The following HSF2 variants were observed in gnomAD, a reference collection of about 807,000 sequenced individuals.
HSF2 encodes heat shock factor protein 2.
A neutral mutation model predicts 65.0 loss-of-function variants in HSF2; 21 were observed. That is an observed-to-expected ratio of 0.32 (90% CI 0.23 to 0.47). The LOEUF (loss-of-function observed/expected upper bound fraction) is 0.47. Among genes scored for constraint, HSF2 ranks in the 20% least tolerant of loss-of-function variants. The pLI, the probability that HSF2 is intolerant of heterozygous loss-of-function variation, is 1.00. For synonymous variants in HSF2, 225 were observed against 219.1 expected, an observed-to-expected ratio of 1.03 and a Z score of -0.24; for missense variants, 499 against 628.1, an observed-to-expected ratio of 0.79 and a Z score of 2.20.
At chr6:122,408,037 G>T (rs1266920082) in intron 1 of HSF2, among the ~76,000 whole-genome samples, 2 of 151,964 alleles carry the variant, frequency 1.3e-5, no homozygotes, top group Admixed American at 6.6e-5. Context: ...AACCTGGGGG[G>T]TCCTATCTTC....
intron 1 of HSF2, among the ~76,000 whole-genome samples, chr6:122,402,002 C>T (rs1369135054): frequency 6.6e-6 from 1 of 152,170 alleles, no homozygotes; most frequent in African/African-American, 2.4e-5. Context: ...TGCGGCCCAG[C>T]ACAAATTCAT....
chr6:122,431,537 G>A, intron 12 of HSF2, 23 bp downstream of exon 12: 3 of 1,338,550 alleles, frequency 2.2e-6, no homozygotes, highest in Non-Finnish European at 3.2e-6. Context: ...ATAGTATTCA[G>A]TCTCTGTAGG....
chr6:122,424,160 C>A (rs1427141848), intron 10 of HSF2, among the ~76,000 whole-genome samples: 1 of 151,880 alleles, frequency 6.6e-6, no homozygotes, highest in Admixed American at 6.6e-5. Context: ...TTACAAGGTT[C>A]CCCTGCTCCA....
At chr6:122,423,358 T>G (rs1487596355) in intron 9 of HSF2, among the ~76,000 whole-genome samples, 1 of 152,106 alleles carries the variant, frequency 6.6e-6, no homozygotes, top group Non-Finnish European at 1.5e-5. Context: ...TTCTGCAGGG[T>G]GTGTTTTTCT....
intron 4 of HSF2, among the ~76,000 whole-genome samples, chr6:122,413,974 T>C (rs1296099569): frequency 1.3e-5 from 2 of 152,112 alleles, no homozygotes; most frequent in African/African-American, 2.4e-5. Context: ...GGTTAGCTCA[T>C]ATGGTGCTCA....
In HSF2 at chr6:122,422,767, G is replaced by C. The variant is rs1282501997; in HGVS notation, c.880G>C (p.Glu294Gln). Residue 294 changes from glutamate (E) to glutamine (Q), a missense_variant, in exon 9 of 13, where the codon GAG (glutamate) becomes CAG (glutamine). By Grantham distance (29) the Glu-to-Gln change is conservative. This residue lies in a region of HSF2 where 349 missense variants were observed against 393.5 expected (regional missense o/e 0.89). Transcript: ENST00000368455. The part of the protein sequence containing the change: ...IVIVEDDNED[E>Q]YAPVIQSGEQ... Reference sequence around the variant, plus strand: ...CATCGTTGAAGATGACAATGAAGATGAGTATGCACCTGTCATTCAGAGTGG... The same window carrying C: ...CATCGTTGAAGATGACAATGAAGATCAGTATGCACCTGTCATTCAGAGTGG... 1.2e-6 allele frequency: 2 copies of C among 1,613,058 alleles called. No individual in the cohort carries two copies. The highest frequency in any genetic ancestry group is 2.7e-5 in the African/African-American group (2 of 74,882).
intron 1 of HSF2, among the ~76,000 whole-genome samples, chr6:122,410,272 A>G (rs189795599): frequency 6.6e-6 from 1 of 151,960 alleles, no homozygotes; most frequent in East Asian, 1.9e-4. Flanking sequence ...TGACACCTTT[A>G]CAATACTGCA....
intron 4 of HSF2, 91 bp from the exon 5 acceptor site, chr6:122,416,130 C>A: frequency 1.3e-6 from 1 of 766,518 alleles, no homozygotes; most frequent in South Asian, 1.6e-5. Context: ...AAGTGTAGTT[C>A]AGTTGTCTGG....
chr6:122,412,557 TAA>T, intron 2 of HSF2, 76 bp downstream of exon 2: 1 of 1,561,158 alleles, frequency 6.4e-7, no homozygotes. Flanking sequence ...ATTAGGGTGG[TAA>T]AGGAAAATTA....
intron 10 of HSF2, among the ~76,000 whole-genome samples, chr6:122,427,589 T>C (rs1318511555): frequency 6.6e-6 from 1 of 151,642 alleles, no homozygotes; most frequent in African/African-American, 2.4e-5. Flanking sequence ...AGAAAAAAAA[T>C]AAAGGAAATG....
chr6:122,409,196 A>G (rs1773933664), intron 1 of HSF2, among the ~76,000 whole-genome samples: 1 of 152,010 alleles, frequency 6.6e-6, no homozygotes, highest in South Asian at 2.1e-4. Flanking sequence ...AGAAAATTGA[A>G]AGGAAATATA....
intron 1 of HSF2, among the ~76,000 whole-genome samples, chr6:122,403,040 A>C (rs1773776247): frequency 6.6e-6 from 1 of 151,218 alleles, no homozygotes; most frequent in African/African-American, 2.4e-5. Flanking sequence ...AAAATAATTT[A>C]TTTCTCTACC....
rs1178787579 is a variant in HSF2 at position 122,432,499 on chromosome 6, C to CT, written c.*287dup. 1.0e-4 allele frequency: 34 copies of CT among 327,366 alleles called. No individual in the cohort carries two copies. The highest frequency in any genetic ancestry group is 1.3e-4 in the East Asian group (2 of 15,740). 20.3% of individuals were successfully genotyped at this position (327,366 alleles called of 1,614,324 possible). ...TCTCCAATTTTGGTAAATTGGATAT[C>CT]TTTTTTTTACAAATACGACCATTAA... On this transcript the variant is annotated 3_prime_UTR_variant, in exon 13 of 13. Coordinates refer to ENST00000368455, the MANE Select transcript of HSF2 (RefSeq NM_004506.4).
At chr6:122,417,530 G>T (rs563092398) in intron 5 of HSF2, among the ~76,000 whole-genome samples, 1 of 152,180 alleles carries the variant, frequency 6.6e-6, no homozygotes, top group South Asian at 2.1e-4. Flanking sequence ...TTTATATAAT[G>T]CATGACGACA....
chr6:122,399,969 C>T lies in HSF2; in HGVS notation c.93+139C>T, dbSNP rs916249176. On this transcript the variant is annotated intron_variant, in intron 1 of 12. Transcript: ENST00000368455. ...GGTGCGGGGCCTTGGCGTTCAGCCT[C>T]GCGGGGGACCCCCTGTATTGTTCGC... 3.3e-5 allele frequency: 23 copies of T among 688,184 alleles called. No individual in the cohort carries two copies. The African/African-American group carries it at 4.3e-4, about 13-fold the overall frequency. 42.6% of individuals were successfully genotyped at this position (688,184 alleles called of 1,614,324 possible).
intron 10 of HSF2, among the ~76,000 whole-genome samples, chr6:122,426,781 C>G (rs2114453317): frequency 6.6e-6 from 1 of 152,138 alleles, no homozygotes; most frequent in South Asian, 2.1e-4. Flanking sequence ...TGTGTTCATT[C>G]TCATAAAAGG....
Position 122,432,418 on chromosome 6 carries a change from G to A in HSF2, c.*198G>A, listed in dbSNP as rs1163549307. On this transcript the variant is annotated 3_prime_UTR_variant, in exon 13 of 13. Transcript: ENST00000368455. Reference sequence around the variant, plus strand: ...AGGTGTTACTCAGCTGCATAGTTACGCAGATGTAATGCACATTATTGGCGT... The same window carrying A: ...AGGTGTTACTCAGCTGCATAGTTACACAGATGTAATGCACATTATTGGCGT... The A allele has an allele frequency of 2.8e-5, 15 of 527,440 alleles. No homozygotes were observed. The highest frequency in any genetic ancestry group is 5.0e-4 in the Middle Eastern group (1 of 2,018). The allele number at this position is 527,440 out of a possible 1,614,324, so 32.7% of individuals were successfully genotyped here.
intron 1 of HSF2, among the ~76,000 whole-genome samples, chr6:122,411,307 G>GT (rs1262388834): frequency 6.0e-5 from 9 of 151,042 alleles, no homozygotes; most frequent in South Asian, 2.1e-4. Context: ...GGTTGTTTGG[G>GT]TTTTTTTTGT....
At chr6:122,424,181 C>T (rs1010116744) in intron 10 of HSF2, among the ~76,000 whole-genome samples, 6 of 150,644 alleles carry the variant, frequency 4.0e-5, no homozygotes, top group African/African-American at 1.5e-4. Context: ...GTCCCCACCA[C>T]CATCCCTATG....
Sources: allele counts gnomAD v4.1 joint callset (sites outside exome capture counted in the v4.1 genomes callset), GRCh38; gene constraint gnomAD v4.1.1; regional missense constraint gnomAD v4.1.1; transcripts MANE v1.5; gene names NCBI Gene and HGNC (gene_info 2026-07-23, HGNC 2026-07-21).